Variants in GLDC observed in about 807,000 individuals in gnomAD.
The protein encoded by GLDC is glycine decarboxylase, also known as glycine dehydrogenase (decarboxylating), mitochondrial.
A neutral mutation model predicts 121.3 loss-of-function variants in GLDC; 104 were observed. That is an observed-to-expected ratio of 0.86 (90% CI 0.73 to 1.01). The LOEUF (loss-of-function observed/expected upper bound fraction) is 1.01. Among genes scored for constraint, GLDC ranks in the 50% least tolerant of loss-of-function variants. The pLI, the probability that GLDC is intolerant of heterozygous loss-of-function variation, is 0.00. For synonymous variants in GLDC, 546 were observed against 480.6 expected, an observed-to-expected ratio of 1.14 and a Z score of -1.78; for missense variants, 1,429 against 1,306.6, an observed-to-expected ratio of 1.09 and a Z score of -1.44.
chr9:6,625,266 G>A (rs189424922), intron 2 of GLDC, among the ~76,000 whole-genome samples: 1 of 152,158 alleles, frequency 6.6e-6, no homozygotes, highest in Admixed American at 6.5e-5. Flanking sequence ...GATTTGCACT[G>A]ATTGCTCTCT....
intron 17 of GLDC, among the ~76,000 whole-genome samples, chr9:6,557,082 A>G (rs1045171751): frequency 6.6e-6 from 1 of 152,204 alleles, no homozygotes; most frequent in African/African-American, 2.4e-5. Context: ...TAGGAGGAGT[A>G]AGTTGTAGAG....
At chr9:6,585,868 G>GTATGTATCTATCTATCTATC (rs1554646413) in intron 15 of GLDC, among the ~76,000 whole-genome samples, 1 of 116,356 alleles carries the variant, frequency 8.6e-6, no homozygotes, top group African/African-American at 2.8e-5. Context: ...ATGTATGTAT[G>GTATGTATCTATCTATCTATC]TATCTATCTA....
At position 6,620,238 on chromosome 9, in the gene GLDC, T is replaced by A. The variant is rs141609010; in HGVS notation, c.416A>T (p.Tyr139Phe). 1.9e-6 allele frequency: 3 copies of A among 1,613,358 alleles called. No homozygotes were observed. The highest frequency in any genetic ancestry group is 1.7e-6 in the Non-Finnish European group (2 of 1,179,440). ...AATCGTCTGTGGCACTGAGCAGTTA[T>A]AATAGCCCATGCCAATATACGATCT... The part of the protein sequence containing the change: ...IWRSYIGMGY[Y>F]NCSVPQTILR... The change falls in exon 3 of 25, where the codon TAT (tyrosine) becomes TTT (phenylalanine). Residue 139 changes from tyrosine (Y) to phenylalanine (F), a missense_variant. Transcript: ENST00000321612.
At chr9:6,546,171 C>G (rs1359224894) in intron 21 of GLDC, among the ~76,000 whole-genome samples, 1 of 151,716 alleles carries the variant, frequency 6.6e-6, no homozygotes, top group Non-Finnish European at 1.5e-5. Context: ...ATTCAGGATG[C>G]TCAATATCAT....
intron 2 of GLDC, among the ~76,000 whole-genome samples, chr9:6,634,799 A>G (rs761810892): frequency 6.6e-6 from 1 of 151,984 alleles, no homozygotes; most frequent in Non-Finnish European, 1.5e-5. Flanking sequence ...TTAGACCTGC[A>G]TTAGTTTGGA....
chr9:6,585,959 C>T (rs930516241), intron 15 of GLDC, among the ~76,000 whole-genome samples: 6 of 151,962 alleles, frequency 3.9e-5, no homozygotes, highest in Non-Finnish European at 8.8e-5. Context: ...CCAGGGGATT[C>T]CAAATTGACT....
intron 15 of GLDC, among the ~76,000 whole-genome samples, chr9:6,569,923 GTA>G (rs1817923952): frequency 2.0e-5 from 3 of 151,004 alleles, no homozygotes; most frequent in Non-Finnish European, 4.4e-5. Context: ...CTGCAGTGAT[GTA>G]AGATCGCGCC....
At chr9:6,563,173 C>T (rs1485658797) in intron 16 of GLDC, among the ~76,000 whole-genome samples, 1 of 152,234 alleles carries the variant, frequency 6.6e-6, no homozygotes, top group Non-Finnish European at 1.5e-5. Flanking sequence ...CCCGCCCAGG[C>T]CAAACCCAAA....
intron 3 of GLDC, among the ~76,000 whole-genome samples, chr9:6,612,821 C>T (rs1031061248): frequency 9.3e-4 from 142 of 152,220 alleles, no homozygotes; most frequent in African/African-American, 3.2e-3. Flanking sequence ...AAGATCATGC[C>T]ACTGCACTCC....
chr9:6,617,444 G>C (rs1052476010), intron 3 of GLDC, among the ~76,000 whole-genome samples: 1 of 152,080 alleles, frequency 6.6e-6, no homozygotes, highest in South Asian at 2.1e-4. Context: ...GAATGCTGCA[G>C]CCCGTTCATG....
intron 15 of GLDC, among the ~76,000 whole-genome samples, chr9:6,581,081 C>G (rs1221644632): frequency 6.6e-6 from 1 of 152,188 alleles, no homozygotes; most frequent in Non-Finnish European, 1.5e-5. Context: ...GAAAGACAGC[C>G]CATAACTATC....
intron 21 of GLDC, among the ~76,000 whole-genome samples, chr9:6,543,452 G>A (rs917935136): frequency 6.6e-6 from 1 of 152,152 alleles, no homozygotes; most frequent in Admixed American, 6.5e-5. Flanking sequence ...TTCAGTAATA[G>A]CTGAAAGGCA....
intron 15 of GLDC, chr9:6,565,811 C>T (rs551565736): frequency 1.5e-5 from 7 of 452,854 alleles, no homozygotes; most frequent in Admixed American, 1.1e-4. Context: ...ATTTGGTTTA[C>T]GGTCAATCTT....
chr9:6,610,176 T>A lies in GLDC; in HGVS notation c.635+16A>T, dbSNP rs182471927. 4 of 1,597,306 alleles carry A rather than the reference T, an allele frequency of 2.5e-6. No homozygotes were observed. The highest frequency in any genetic ancestry group is 3.4e-6 in the Non-Finnish European group (4 of 1,170,062). On this transcript the variant is annotated intron_variant, in intron 4 of 24. Transcript: ENST00000321612. Reference sequence around the variant, plus strand: ...GGCCCACAACTGGAATTCCAGCACTTTGAGAGGCCTCTCACCTGTAGCACA... The same window carrying A: ...GGCCCACAACTGGAATTCCAGCACTATGAGAGGCCTCTCACCTGTAGCACA...
intron 8 of GLDC, among the ~76,000 whole-genome samples, chr9:6,601,671 C>A (rs1055070153): frequency 6.6e-6 from 1 of 152,106 alleles, no homozygotes; most frequent in Non-Finnish European, 1.5e-5. Flanking sequence ...GTCACTCAGG[C>A]TGGAGTGCAG....
At chr9:6,607,829 A>G (rs1818766631) in intron 4 of GLDC, among the ~76,000 whole-genome samples, 1 of 151,672 alleles carries the variant, frequency 6.6e-6, no homozygotes, top group Non-Finnish European at 1.5e-5. Context: ...TTTGTATTAA[A>G]AAAATAAAAT....
At chr9:6,574,750 G>A (rs963817421) in intron 15 of GLDC, among the ~76,000 whole-genome samples, 2 of 151,960 alleles carry the variant, frequency 1.3e-5, no homozygotes, top group Non-Finnish European at 2.9e-5. Flanking sequence ...ATCAGAGAGG[G>A]CTTACAGGTC....
intron 15 of GLDC, among the ~76,000 whole-genome samples, chr9:6,575,392 G>A (rs903340815): frequency 6.6e-6 from 1 of 152,164 alleles, no homozygotes; most frequent in Non-Finnish European, 1.5e-5. Flanking sequence ...GTTTTCACAG[G>A]CTGGTGGCCA....
chr9:6,608,184 C>G (rs62569044), intron 4 of GLDC, among the ~76,000 whole-genome samples: 1 of 151,294 alleles, frequency 6.6e-6, no homozygotes, highest in Non-Finnish European at 1.5e-5. Context: ...GAGGCCGAGG[C>G]GGGCAGATCA....
Sources: allele counts gnomAD v4.1 joint callset (sites outside exome capture counted in the v4.1 genomes callset), GRCh38; gene constraint gnomAD v4.1.1; transcripts MANE v1.5; gene names NCBI Gene and HGNC (gene_info 2026-07-23, HGNC 2026-07-21).